TNFAIP1: variants seen among roughly 807,000 people sequenced by gnomAD.
TNFAIP1 encodes BTB/POZ domain-containing adapter for CUL3-mediated RhoA degradation protein 2.
TNFAIP1 carries 20 observed loss-of-function variants against 32.6 expected under a neutral mutation model. That is an observed-to-expected ratio of 0.61 (90% CI 0.43 to 0.89). The LOEUF is 0.89. Among genes scored for constraint, TNFAIP1 ranks in the 40% least tolerant of loss-of-function variants. The pLI, the probability that TNFAIP1 is intolerant of heterozygous loss-of-function variation, is 0.00. For missense variants in TNFAIP1, 319 were observed against 425.1 expected, an observed-to-expected ratio of 0.75 and a Z score of 2.20; for synonymous variants, 166 against 166.8, an observed-to-expected ratio of 1.00 and a Z score of 0.04.
rs1021751121 is a variant in TNFAIP1 at position 28,346,245 on chromosome 17, T to A, written c.*1645T>A. ...ACTAAGACTCTCAGGTCAGGTACCT[T>A]GGTGATCAGCTACTAGTTCTTCCAG... On this transcript the variant is annotated 3_prime_UTR_variant, in exon 7 of 7. Transcript: ENST00000226225. The A allele has an allele frequency of 1.3e-5, 2 of 152,246 alleles. No individual in the cohort carries two copies. The highest frequency in any genetic ancestry group is 2.9e-5 in the Non-Finnish European group (2 of 68,046). The allele number at this position is 152,246 out of a possible 1,614,324, so 9.4% of individuals were successfully genotyped here.
intron 1 of TNFAIP1, among the ~76,000 whole-genome samples, chr17:28,338,172 A>G (rs1469579728): frequency 1.3e-5 from 2 of 152,142 alleles, no homozygotes; most frequent in Admixed American, 6.5e-5. Context: ...GGGTCTTGCT[A>G]TGTTGCCAAG....
rs1555577787 is a variant in TNFAIP1 at position 28,339,471 on chromosome 17, G to A, written c.-51G>A. ...ACTCGTGACCCTTTCCACCACGGCG[G>A]AGCCTTCCAAGCCTACCTCCTGCCG... On this transcript the variant is annotated 5_prime_UTR_variant, in exon 2 of 7. Coordinates refer to ENST00000226225, the MANE Select transcript of TNFAIP1 (RefSeq NM_021137.5). The A allele has an allele frequency of 2.6e-6, 4 of 1,524,456 alleles. No individual in the cohort carries two copies. Among genetic ancestry groups the A allele is most frequent in the Non-Finnish European group, 3.5e-6 (4 of 1,136,048 alleles). The allele number at this position is 1,524,456 out of a possible 1,614,324, so 94.4% of individuals were successfully genotyped here.
At chr17:28,336,049 A>C (rs1229723181) in intron 1 of TNFAIP1, among the ~76,000 whole-genome samples, 193 bp downstream of exon 1, 2 of 152,042 alleles carry the variant, frequency 1.3e-5, no homozygotes, top group African/African-American at 4.8e-5. Context: ...CGGGCTAGAG[A>C]AGAGCCCACA....
chr17:28,342,589 GC>G lies in TNFAIP1; in HGVS notation c.714+149del. ...GGTAATGGTGCTGGGCAAGGACAAG[GC>G]CAGAACAAGGGGTGTGGGGAATGGA... On this transcript the variant is annotated intron_variant, in intron 6 of 6. Coordinates refer to ENST00000226225, the MANE Select transcript of TNFAIP1 (RefSeq NM_021137.5). The surrounding 1 kb of genome is among the most constrained non-coding windows in gnomAD (Gnocchi z 4.0). The G allele has an allele frequency of 1.3e-6, 1 of 759,904 alleles. No homozygotes were observed. The highest frequency in any genetic ancestry group is 2.0e-6 in the Non-Finnish European group (1 of 505,086). The allele number at this position is 759,904 out of a possible 1,614,324, so 47.1% of individuals were successfully genotyped here. A position where few individuals can be genotyped will look rare whatever the true frequency, so the allele number is the denominator to read the frequency against.
Position 28,344,087 on chromosome 17 carries a change from T to A in TNFAIP1, c.715-277T>A, listed in dbSNP as rs189175570. 2.1e-3 allele frequency among the ~76,000 whole-genome samples: 316 copies of A among 152,258 alleles called. 7 individuals are homozygous for A. The highest frequency in any genetic ancestry group is 3.8e-4 in the Non-Finnish European group (26 of 68,018). On this transcript the variant is annotated intron_variant, in intron 6 of 6. Coordinates refer to ENST00000226225, the MANE Select transcript of TNFAIP1 (RefSeq NM_021137.5). ...CAGCTAGCAAGTGGTAGAGCTGTGT[T>A]GGGACCTAGCTCTGGCCCACCCTCT...
At chr17:28,341,370 C>T (rs782574676) in intron 4 of TNFAIP1, 34 bp from the exon 5 acceptor site, 4 of 1,613,964 alleles carry the variant, frequency 2.5e-6, no homozygotes, top group Non-Finnish European at 3.4e-6. Flanking sequence ...TGCCAGTCCC[C>T]TGGCCTGGCC....
chr17:28,341,328 T>C lies in TNFAIP1; in HGVS notation c.465+2T>C, dbSNP rs770222458. 1.4e-5 allele frequency: 22 copies of C among 1,614,028 alleles called. No individual in the cohort carries two copies. The highest frequency in any genetic ancestry group is 1.6e-5 in the Non-Finnish European group (19 of 1,180,022). On this transcript the variant is annotated splice_donor_variant, in intron 4 of 6. Coordinates refer to ENST00000226225, the MANE Select transcript of TNFAIP1 (RefSeq NM_021137.5). LOFTEE classifies it high-confidence loss of function. ...CGGCTCATCGAATCCTCCACCAAGG[T>C]ACCAGGACCTCTGAGGGGTGCGGGC...
intron 5 of TNFAIP1, among the ~76,000 whole-genome samples, chr17:28,341,671 C>T (rs1005583766): frequency 9.2e-5 from 14 of 152,232 alleles, no homozygotes; most frequent in Admixed American, 7.2e-4. Flanking sequence ...AGGTGAAATG[C>T]GCCCTCAACG....
rs1555578639 is a variant in TNFAIP1, at chr17:28,344,565, C to T, written c.916C>T (p.Arg306Trp). ...CAAGCGCTACAGCACTTACGATGAC[C>T]GGCAGCTCGGCCACCAGTCTACCCA... is the stretch of plus-strand genomic sequence containing the variant. ...HVKRYSTYDD[R>W]QLGHQSTHRD Residue 306 changes from arginine to tryptophan, a missense_variant, in exon 7 of 7, where the codon CGG becomes TGG. By Grantham distance (101) the Arg-to-Trp change is moderately radical. Transcript: ENST00000226225. 6.2e-6 allele frequency: 10 copies of T among 1,613,304 alleles called. No individual in the cohort carries two copies. Among genetic ancestry groups the T allele is most frequent in the South Asian group, 1.1e-5 (1 of 91,088 alleles).
At chr17:28,341,117 G>T in intron 3 of TNFAIP1, 120 bp from the exon 4 acceptor site, 2 of 1,038,966 alleles carry the variant, frequency 1.9e-6, no homozygotes, top group South Asian at 2.7e-5. Flanking sequence ...CTCATGATCT[G>T]TATCTGACAC....
At chr17:28,341,197 A>G in intron 3 of TNFAIP1, 40 bp from the exon 4 acceptor site, 2 of 1,609,878 alleles carry the variant, frequency 1.2e-6, no homozygotes, top group Non-Finnish European at 8.5e-7. Flanking sequence ...CCTGGGAAGC[A>G]GAAGATCCTA....
Position 28,339,743 on chromosome 17 carries a change from G to A in TNFAIP1, c.205+17G>A, listed in dbSNP as rs374066286. 2.5e-5 allele frequency: 40 copies of A among 1,610,374 alleles called. No homozygotes were observed. Among genetic ancestry groups the A allele is most frequent in the Admixed American group, 1.2e-4 (7 of 59,756 alleles). Reference sequence around the variant, plus strand: ...ACAAAGAAGGTGAGGCACTGGGGCTGCCGCTCGGGGTGGGGAGGGCAGGAG... The same window carrying A: ...ACAAAGAAGGTGAGGCACTGGGGCTACCGCTCGGGGTGGGGAGGGCAGGAG... On this transcript the variant is annotated intron_variant, in intron 2 of 6. Coordinates refer to ENST00000226225, the MANE Select transcript of TNFAIP1 (RefSeq NM_021137.5).
intron 6 of TNFAIP1, among the ~76,000 whole-genome samples, 189 bp from the exon 7 acceptor site, chr17:28,344,175 T>A (rs1349323463): frequency 6.6e-6 from 1 of 152,092 alleles, no homozygotes; most frequent in African/African-American, 2.4e-5. Context: ...GTCTTCCCTG[T>A]CCTCATGTCT....
At chr17:28,341,700 T>C (rs1176388690) in intron 5 of TNFAIP1, among the ~76,000 whole-genome samples, 1 of 152,216 alleles carries the variant, frequency 6.6e-6, no homozygotes, top group African/African-American at 2.4e-5. Flanking sequence ...GAAGGCAGCA[T>C]GGCAGGTGTT....
In TNFAIP1 at chr17:28,339,401, T is replaced by C. The variant is rs1475203494; in HGVS notation, c.-114-7T>C. The stretch of plus-strand genomic sequence containing the variant: ...TTCGTGTCTTCTCTTCCCTCTCCCA[T>C]GTACAGCACTGAGATTATGAGGCTC... On this transcript the variant is annotated splice_polypyrimidine_tract_variant and splice_region_variant and intron_variant, in intron 1 of 6. Transcript: ENST00000226225. 3.1e-6 allele frequency: 3 copies of C among 966,668 alleles called. No homozygotes were observed. The highest frequency in any genetic ancestry group is 4.4e-6 in the Non-Finnish European group (3 of 678,090). 59.9% of individuals were successfully genotyped at this position (966,668 alleles called of 1,614,324 possible).
Position 28,338,999 on chromosome 17 carries a change from G to A in TNFAIP1, c.-114-409G>A, listed in dbSNP as rs563676972. Among the ~76,000 whole-genome samples, 4 of 151,812 alleles carry A rather than the reference G, an allele frequency of 2.6e-5. No homozygotes were observed. The East Asian group carries it at 7.8e-4, about 30-fold the overall frequency. ...TAATCCCAGCACTTTGGGAGACTGA[G>A]GTGGGCGGATCGCCTGCGCTCAGGA... On this transcript the variant is annotated intron_variant, in intron 1 of 6. Transcript: ENST00000226225.
intron 1 of TNFAIP1, among the ~76,000 whole-genome samples, chr17:28,337,319 G>A (rs1037055817): frequency 2.6e-5 from 4 of 152,106 alleles, no homozygotes; most frequent in Non-Finnish European, 2.9e-5. Flanking sequence ...TCTAACGCCT[G>A]CCTTCCCTGA....
At position 28,340,192 on chromosome 17, in the gene TNFAIP1, G is replaced by A. The variant is rs1907313822; in HGVS notation, c.206-117G>A. 7.6e-6 allele frequency: 8 copies of A among 1,055,934 alleles called. No individual in the cohort carries two copies. The highest frequency in any genetic ancestry group is 1.1e-5 in the Non-Finnish European group (8 of 703,560). 65.4% of individuals were successfully genotyped at this position (1,055,934 alleles called of 1,614,324 possible). On this transcript the variant is annotated intron_variant, in intron 2 of 6. Coordinates refer to ENST00000226225, the MANE Select transcript of TNFAIP1 (RefSeq NM_021137.5). This position sits in a 1 kb window ranked among gnomAD's most constrained non-coding sequence, Gnocchi z 4.1. ...CCCGCCTCTGTCACCCTGCGTAAGGGCTTTGTGCTCGTGGACCCCCTTCCC... is the reference window on the plus strand; with the variant it reads ...CCCGCCTCTGTCACCCTGCGTAAGGACTTTGTGCTCGTGGACCCCCTTCCC...
intron 6 of TNFAIP1, among the ~76,000 whole-genome samples, chr17:28,343,824 C>T (rs1487939299): frequency 2.0e-5 from 3 of 152,054 alleles, no homozygotes; most frequent in Non-Finnish European, 4.4e-5. Context: ...TTTCTCCTTC[C>T]TCCAGGCAGG....
Sources: allele counts gnomAD v4.1 joint callset (sites outside exome capture counted in the v4.1 genomes callset), GRCh38; gene constraint gnomAD v4.1.1; non-coding constraint Gnocchi (gnomAD v3.1); transcripts MANE v1.5; gene names NCBI Gene and HGNC (gene_info 2026-07-23, HGNC 2026-07-21).